CNTN5: variants seen among roughly 807,000 people sequenced by gnomAD.
CNTN5 encodes the protein contactin-5.
A neutral mutation model predicts 129.1 loss-of-function variants in CNTN5; 77 were observed. The ratio of observed to expected loss-of-function variants is 0.60; its 90% CI spans 0.50 to 0.72. CNTN5 has a LOEUF of 0.72. Ranked by LOEUF, CNTN5 falls within the 30% of genes least tolerant of loss-of-function variation. The pLI is 0.00. For missense variants in CNTN5, 1,478 were observed against 1,328.8 expected (o/e 1.11, Z -1.75); for synonymous variants, 509 against 465.6 (o/e 1.09, Z -1.20).
At position 99,819,643 on chromosome 11, in the gene CNTN5, C is replaced by G. The variant is rs565909092; in HGVS notation, c.155C>G (p.Pro52Arg). ...SSSLFGSKTRPRYSSPSLGTL... is the reference protein window; with the variant it reads ...SSSLFGSKTRRRYSSPSLGTL... Reference sequence around the variant, plus strand: ...TCTCTCTTTGGTTCCAAAACCAGACCACGATACAGCAGCCCTTCATTAGGA... The same window carrying G: ...TCTCTCTTTGGTTCCAAAACCAGACGACGATACAGCAGCCCTTCATTAGGA... Residue 52 changes from proline (P) to arginine (R), a missense_variant, in exon 4 of 25, where the codon CCA (proline) becomes CGA (arginine). Pro to Arg is a moderately radical substitution (Grantham distance 103). Transcript: ENST00000524871. 3.7e-6 allele frequency: 6 copies of G among 1,613,016 alleles called. No homozygotes were observed. Among genetic ancestry groups the G allele is most frequent in the South Asian group, 2.2e-5 (2 of 91,080 alleles).
chr11:99,824,563 T>C (rs1426996597), intron 4 of CNTN5, among the ~76,000 whole-genome samples: 3 of 151,984 alleles, frequency 2.0e-5, no homozygotes, highest in Non-Finnish European at 4.4e-5. Context: ...TTGTCAGTAG[T>C]ACCTTTTGTT....
At chr11:99,697,186 C>T (rs941418779) in intron 3 of CNTN5, among the ~76,000 whole-genome samples, 1 of 151,822 alleles carries the variant, frequency 6.6e-6, no homozygotes, top group Non-Finnish European at 1.5e-5. Flanking sequence ...TGCAGAATTT[C>T]AAATAAATTA....
At chr11:99,736,625 A>G (rs975012632) in intron 3 of CNTN5, among the ~76,000 whole-genome samples, 1 of 152,236 alleles carries the variant, frequency 6.6e-6, no homozygotes. Context: ...TTTCAAGCTC[A>G]GGAAACAATA....
At chr11:99,156,811 T>C (rs991884344) in intron 1 of CNTN5, among the ~76,000 whole-genome samples, 2 of 152,034 alleles carry the variant, frequency 1.3e-5, no homozygotes, top group African/African-American at 4.8e-5. Context: ...GTGATGTGGA[T>C]AGTATTACAA....
At chr11:99,880,649 C>T (rs533357017) in intron 6 of CNTN5, among the ~76,000 whole-genome samples, 1 of 152,250 alleles carries the variant, frequency 6.6e-6, no homozygotes, top group African/African-American at 2.4e-5. Flanking sequence ...TAGACACCAA[C>T]ATTTTCTGTA....
intron 1 of CNTN5, among the ~76,000 whole-genome samples, chr11:99,106,449 A>C (rs1867000119): frequency 3.3e-5 from 5 of 151,438 alleles, no homozygotes; most frequent in Admixed American, 3.3e-4. Context: ...TACATTAATT[A>C]ATATATTACA....
intron 13 of CNTN5, among the ~76,000 whole-genome samples, chr11:100,171,545 G>C (rs1186164150): frequency 1.3e-5 from 2 of 151,994 alleles, no homozygotes; most frequent in Non-Finnish European, 2.9e-5. Context: ...ACTGTGAAGA[G>C]CTACAGGGTA....
At chr11:99,986,619 C>A (rs1439822331) in intron 8 of CNTN5, among the ~76,000 whole-genome samples, 1 of 152,178 alleles carries the variant, frequency 6.6e-6, no homozygotes, top group Non-Finnish European at 1.5e-5. Flanking sequence ...ATTTATTATA[C>A]TGAAATTAAC....
intron 1 of CNTN5, among the ~76,000 whole-genome samples, chr11:99,175,465 G>C (rs1255673735): frequency 6.6e-6 from 1 of 152,018 alleles, no homozygotes. Context: ...TAGAAGGAAA[G>C]GAAACAGGAG....
chr11:99,696,156 C>T lies in CNTN5; in HGVS notation c.56-123388C>T, dbSNP rs144406881. 2.3e-3 allele frequency among the ~76,000 whole-genome samples: 345 copies of T among 152,066 alleles called. 1 individual carries two copies. The highest frequency in any genetic ancestry group is 7.6e-3 in the African/African-American group (317 of 41,504). ...CCTGAATCCAATATTTTCTTTATAC[C>T]TGTATATCAGCCATAAGCCTGGAGC... On this transcript the variant is annotated intron_variant, in intron 3 of 24. Coordinates refer to ENST00000524871, the MANE Select transcript of CNTN5 (RefSeq NM_014361.4).
At chr11:99,384,918 T>C (rs886214805) in intron 2 of CNTN5, among the ~76,000 whole-genome samples, 1 of 152,186 alleles carries the variant, frequency 6.6e-6, no homozygotes, top group Non-Finnish European at 1.5e-5. Context: ...CTAACACTTT[T>C]ATATAAATTA....
At chr11:99,338,190 T>C (rs747685340) in intron 2 of CNTN5, among the ~76,000 whole-genome samples, 61 of 152,324 alleles carry the variant, frequency 4.0e-4, no homozygotes, top group Non-Finnish European at 7.9e-4. Flanking sequence ...TATCTGCTAT[T>C]TCATTCAATA....
At chr11:99,999,221 C>A (rs1370117494) in intron 8 of CNTN5, among the ~76,000 whole-genome samples, 3 of 152,082 alleles carry the variant, frequency 2.0e-5, no homozygotes, top group African/African-American at 7.2e-5. Context: ...GAACAGGCAA[C>A]CAATAAAATG....
At chr11:99,909,813 G>C (rs1949608241) in intron 6 of CNTN5, among the ~76,000 whole-genome samples, 1 of 151,984 alleles carries the variant, frequency 6.6e-6, no homozygotes. Flanking sequence ...GCCTGTTGTG[G>C]GGTGGGGGGA....
At chr11:99,781,506 G>A (rs1945309460) in intron 3 of CNTN5, among the ~76,000 whole-genome samples, 1 of 152,074 alleles carries the variant, frequency 6.6e-6, no homozygotes, top group East Asian at 2.0e-4. Flanking sequence ...CCCTTATCTT[G>A]TAGCTACTAT....
intron 3 of CNTN5, among the ~76,000 whole-genome samples, chr11:99,725,793 T>A (rs1024609880): frequency 6.6e-6 from 1 of 152,172 alleles, no homozygotes; most frequent in African/African-American, 2.4e-5. Context: ...CCATTTTGAA[T>A]GGTCCAGTGG....
intron 3 of CNTN5, among the ~76,000 whole-genome samples, chr11:99,616,587 T>G (rs1035024255): frequency 1.3e-5 from 2 of 152,204 alleles, no homozygotes; most frequent in African/African-American, 4.8e-5. Flanking sequence ...AGAATGTGGA[T>G]AATAGGCTAT....
chr11:99,881,264 G>C (rs538960513), intron 6 of CNTN5, among the ~76,000 whole-genome samples: 28 of 152,244 alleles, frequency 1.8e-4, no homozygotes, highest in African/African-American at 4.8e-4. Flanking sequence ...ACAGTACATG[G>C]TTTCACAGGA....
chr11:99,299,111 A>G (rs905034912), intron 1 of CNTN5, among the ~76,000 whole-genome samples: 2 of 152,156 alleles, frequency 1.3e-5, no homozygotes, highest in Non-Finnish European at 2.9e-5. Context: ...CGATAACAAC[A>G]TAAACAAAAT....
Sources: gnomAD v4.1 joint callset for allele counts (sites outside exome capture counted in the v4.1 genomes callset) on GRCh38, gnomAD v4.1.1 for gene constraint, MANE v1.5 for transcripts, NCBI Gene and HGNC (gene_info 2026-07-23, HGNC 2026-07-21) for gene names.